Variants in FBXW8 observed in about 807,000 individuals in gnomAD.
FBXW8 encodes the protein F-box/WD repeat-containing protein 8.
FBXW8 carries 57 observed loss-of-function variants against 65.3 expected under a neutral mutation model. That is an observed-to-expected ratio of 0.87 (90% CI 0.71 to 1.09). The LOEUF (loss-of-function observed/expected upper bound fraction) is 1.09, where lower values mean the gene tolerates loss of function less well. Ranked by LOEUF, FBXW8 falls within the 50% of genes least tolerant of loss-of-function variation. The probability of loss-of-function intolerance (pLI) is 0.00; values close to 1 mark genes in which losing one functional copy is unlikely to be tolerated. For missense variants in FBXW8, 777 were observed against 814.8 expected (o/e 0.95, Z 0.57); for synonymous variants, 308 against 330.2 (o/e 0.93, Z 0.73).
intron 1 of FBXW8, among the ~76,000 whole-genome samples, chr12:116,919,532 CAG>C (rs1009046690): frequency 3.3e-5 from 5 of 152,190 alleles, no homozygotes; most frequent in African/African-American, 1.2e-4. Context: ...CGTTAGTACT[CAG>C]AGTTTGCTAT....
Position 116,928,134 on chromosome 12 carries a change from T to G in FBXW8, c.423+7T>G. ...ACTAGGAAGATGTGCACAGGTAAGG[T>G]GTCACCAACAGATGTTCCAGATTTT... On this transcript the variant is annotated splice_region_variant and intron_variant, in intron 2 of 10. Coordinates refer to ENST00000652555, the MANE Select transcript of FBXW8 (RefSeq NM_153348.3). The G allele has an allele frequency of 2.6e-6, 4 of 1,547,242 alleles. No individual in the cohort carries two copies. Among genetic ancestry groups the G allele is most frequent in the Non-Finnish European group, 3.6e-6 (4 of 1,121,928 alleles).
At chr12:116,942,500 G>A (rs923529118) in intron 2 of FBXW8, among the ~76,000 whole-genome samples, 2 of 150,604 alleles carry the variant, frequency 1.3e-5, no homozygotes, top group African/African-American at 4.9e-5. Context: ...TCAGCCTCCC[G>A]AGTAGCTGGG....
At chr12:116,950,147 T>C (rs1883184350) in intron 4 of FBXW8, 1 of 154,978 alleles carries the variant, frequency 6.5e-6, no homozygotes, top group Non-Finnish European at 1.4e-5. Flanking sequence ...CCCCACCATA[T>C]AGTACCTATT....
chr12:117,007,871 T>TA (rs1226126995), intron 7 of FBXW8, among the ~76,000 whole-genome samples: 29 of 152,148 alleles, frequency 1.9e-4, no homozygotes, highest in Admixed American at 1.9e-3. Flanking sequence ...AAGGGACTCG[T>TA]AACGTGGAAA....
chr12:116,988,150 C>CATGT (rs1953142686), intron 6 of FBXW8, among the ~76,000 whole-genome samples: 1 of 152,180 alleles, frequency 6.6e-6, no homozygotes, highest in Non-Finnish European at 1.5e-5. Context: ...AATTGTACTA[C>CATGT]AGTTCATGAA....
chr12:117,009,996 G>A (rs1020459642), intron 7 of FBXW8, among the ~76,000 whole-genome samples: 10 of 152,300 alleles, frequency 6.6e-5, no homozygotes, highest in African/African-American at 2.4e-4. Flanking sequence ...GCAGTCAGTG[G>A]CCCCGTGGTT....
At chr12:116,940,165 G>A (rs991282134) in intron 2 of FBXW8, among the ~76,000 whole-genome samples, 1 of 152,182 alleles carries the variant, frequency 6.6e-6, no homozygotes, top group Non-Finnish European at 1.5e-5. Flanking sequence ...CCCAGGGTGG[G>A]CTGCTTAATG....
chr12:117,024,722 A>C (rs1360000216), intron 9 of FBXW8, among the ~76,000 whole-genome samples: 2 of 151,878 alleles, frequency 1.3e-5, no homozygotes, highest in African/African-American at 2.4e-5. Context: ...GTGACACCCC[A>C]CCTGCCCACA....
In FBXW8 at chr12:116,936,471, A is replaced by T. The variant is rs1882169633; in HGVS notation, c.423+8344A>T. On this transcript the variant is annotated intron_variant, in intron 2 of 10. Coordinates refer to ENST00000652555, the MANE Select transcript of FBXW8 (RefSeq NM_153348.3). This position sits in a 1 kb window ranked among gnomAD's most constrained non-coding sequence, Gnocchi z 4.6. The stretch of plus-strand genomic sequence containing the variant: ...AGATGGGGTGATTATCTTGGATTAT[A>T]CAGGTGGGTCCAGTGCATTACAAGT... Among the ~76,000 whole-genome samples, 1 of 152,224 alleles carries T rather than the reference A, an allele frequency of 6.6e-6. No individual in the cohort carries two copies.
chr12:117,012,182 C>T (rs183878565), intron 8 of FBXW8, among the ~76,000 whole-genome samples: 188 of 142,884 alleles, frequency 1.3e-3, no homozygotes, highest in African/African-American at 5.2e-3. Context: ...TCATTATGTA[C>T]GCACTGCCAG....
intron 7 of FBXW8, among the ~76,000 whole-genome samples, chr12:116,992,761 GGTGTGTGTGTGTGTGTGTGT>G (rs59119067): frequency 1.4e-5 from 2 of 143,550 alleles, no homozygotes; most frequent in East Asian, 4.1e-4. Flanking sequence ...ATTATTCCAT[GGTGTGTGTGTGTGTGTGTGT>G]GTGTGTGTGT....
At chr12:116,977,827 T>C (rs1592913773) in intron 5 of FBXW8, 1 of 152,372 alleles carries the variant, frequency 6.6e-6, no homozygotes, top group East Asian at 1.9e-4. Context: ...TTCTATCTAG[T>C]CACATTGCCA....
chr12:116,993,228 C>A (rs958520213), intron 7 of FBXW8, among the ~76,000 whole-genome samples: 1 of 151,472 alleles, frequency 6.6e-6, no homozygotes, highest in Non-Finnish European at 1.5e-5. Flanking sequence ...CTTAGCCTCC[C>A]GAGTAGCTGG....
chr12:116,949,136 A>T (rs982143928), intron 3 of FBXW8: 1 of 157,860 alleles, frequency 6.3e-6, no homozygotes, highest in African/African-American at 2.4e-5. Context: ...CCTTTTCCTC[A>T]TCCTGATCTT....
intron 1 of FBXW8, among the ~76,000 whole-genome samples, chr12:116,917,408 A>T (rs1273158946): frequency 1.3e-5 from 2 of 152,174 alleles, no homozygotes; most frequent in Admixed American, 1.3e-4. Flanking sequence ...ACAGAAGCTG[A>T]TCCACTTGAC....
rs16947143 is a variant in FBXW8, at chr12:116,956,190, C to T, written c.677+6484C>T. Among the ~76,000 whole-genome samples, 630 of 152,020 alleles carry T rather than the reference C, an allele frequency of 4.1e-3. 5 individuals carry two copies. The highest frequency in any genetic ancestry group is 0.015 in the African/African-American group (606 of 41,436). On this transcript the variant is annotated intron_variant, in intron 4 of 10. Coordinates refer to ENST00000652555, the MANE Select transcript of FBXW8 (RefSeq NM_153348.3). The stretch of plus-strand genomic sequence containing the variant: ...CCTAAATATTTTCTCCCCTGGTTTC[C>T]GCCTTTTTAGCATACCGTTCCTGCC...
intron 4 of FBXW8, chr12:116,951,025 C>T (rs1432829143): frequency 6.6e-6 from 1 of 152,200 alleles, no homozygotes; most frequent in African/African-American, 2.4e-5. Context: ...CTCTCAAAGC[C>T]AATTATGAAT....
At chr12:116,962,111 T>A (rs1478539658) in intron 4 of FBXW8, among the ~76,000 whole-genome samples, 3 of 152,118 alleles carry the variant, frequency 2.0e-5, no homozygotes, top group African/African-American at 7.2e-5. Flanking sequence ...AAATAAGGAA[T>A]TCAGACACAG....
intron 2 of FBXW8, among the ~76,000 whole-genome samples, chr12:116,942,374 A>ATTTT (rs57576794): frequency 7.5e-6 from 1 of 134,008 alleles, no homozygotes; most frequent in Non-Finnish European, 1.5e-5. Flanking sequence ...AAGTTTCCTG[A>ATTTT]TTTTTTTTTT....
Sources: gnomAD v4.1 joint callset for allele counts (sites outside exome capture counted in the v4.1 genomes callset) on GRCh38, gnomAD v4.1.1 for gene constraint, Gnocchi (gnomAD v3.1) non-coding constraint, MANE v1.5 for transcripts, NCBI Gene and HGNC (gene_info 2026-07-23, HGNC 2026-07-21) for gene names.